WDFY1: variants seen among roughly 807,000 people sequenced by gnomAD.
WDFY1 encodes the protein WD repeat and FYVE domain containing 1, also known as WD repeat and FYVE domain-containing protein 1.
In WDFY1, 32 loss-of-function variants were observed where a neutral mutation model predicts 56.4. The ratio of observed to expected loss-of-function variants is 0.57; its 90% confidence interval spans 0.43 to 0.76. The LOEUF is 0.76. Among genes scored for constraint, WDFY1 ranks in the 30% least tolerant of loss-of-function variants. The pLI, the probability that WDFY1 is intolerant of heterozygous loss-of-function variation, is 0.00. For missense variants in WDFY1, 480 were observed against 545.7 expected, an observed-to-expected ratio of 0.88 and a Z score of 1.20; for synonymous variants, 192 against 197.3, an observed-to-expected ratio of 0.97 and a Z score of 0.23.
At chr2:223,943,018 T>C (rs1487197183) in intron 1 of WDFY1, among the ~76,000 whole-genome samples, 1 of 150,616 alleles carries the variant, frequency 6.6e-6, no homozygotes, top group Non-Finnish European at 1.5e-5. Flanking sequence ...CTGTCTCTAC[T>C]AAAAATAGAA....
intron 1 of WDFY1, among the ~76,000 whole-genome samples, chr2:223,932,215 T>C (rs925313862): frequency 7.0e-6 from 1 of 142,760 alleles, no homozygotes; most frequent in African/African-American, 2.6e-5. Context: ...CTCCACCTCC[T>C]GGGTTCACGC....
intron 8 of WDFY1, among the ~76,000 whole-genome samples, chr2:223,891,970 T>TTA (rs199942629): frequency 1.0e-3 from 153 of 151,556 alleles, no homozygotes; most frequent in East Asian, 5.6e-3. Flanking sequence ...ATCCTATAAT[T>TTA]TATATATATA....
intron 1 of WDFY1, among the ~76,000 whole-genome samples, chr2:223,940,201 C>A (rs1689276823): frequency 2.0e-5 from 3 of 152,164 alleles, no homozygotes; most frequent in Non-Finnish European, 4.4e-5. Context: ...TGCCTGTAAT[C>A]CCAGCTACTC....
intron 8 of WDFY1, among the ~76,000 whole-genome samples, chr2:223,886,857 C>T (rs939868362): frequency 6.6e-6 from 1 of 151,650 alleles, no homozygotes; most frequent in Non-Finnish European, 1.5e-5. Context: ...ACGATGGGTG[C>T]CCCTAGTTCT....
At chr2:223,931,704 T>G (rs1208658105) in intron 1 of WDFY1, among the ~76,000 whole-genome samples, 1 of 150,528 alleles carries the variant, frequency 6.6e-6, no homozygotes, top group Non-Finnish European at 1.5e-5. Flanking sequence ...TTTTTTTTTT[T>G]GAGACAGAGT....
intron 9 of WDFY1, among the ~76,000 whole-genome samples, chr2:223,882,792 C>A (rs1336875107): frequency 6.6e-6 from 1 of 151,898 alleles, no homozygotes. Flanking sequence ...GGTGCAATGG[C>A]ATACAGCTCA....
intron 8 of WDFY1, among the ~76,000 whole-genome samples, chr2:223,888,160 C>A (rs143127686): frequency 3.2e-4 from 48 of 152,248 alleles, no homozygotes; most frequent in African/African-American, 1.1e-3. Context: ...TGGCTCACTG[C>A]AGCCTCAACC....
intron 1 of WDFY1, among the ~76,000 whole-genome samples, chr2:223,929,047 C>T (rs914607289): frequency 6.6e-6 from 1 of 152,188 alleles, no homozygotes; most frequent in Non-Finnish European, 1.5e-5. Context: ...GCCAAGACAT[C>T]AGATGCAGAA....
At chr2:223,903,634 C>CAT (rs1420784012) in intron 4 of WDFY1, among the ~76,000 whole-genome samples, 85 of 124,032 alleles carry the variant, frequency 6.9e-4, no homozygotes, top group African/African-American at 2.5e-3. Flanking sequence ...AATACACACA[C>CAT]ACACACGTTT....
intron 8 of WDFY1, among the ~76,000 whole-genome samples, chr2:223,892,589 T>C (rs544806040): frequency 6.6e-5 from 10 of 151,650 alleles, no homozygotes; most frequent in Non-Finnish European, 1.2e-4. Context: ...AAAAAAAAAA[T>C]AGATGAAAGC....
intron 4 of WDFY1, among the ~76,000 whole-genome samples, chr2:223,904,845 C>A (rs550566698): frequency 6.6e-6 from 1 of 152,238 alleles, no homozygotes; most frequent in East Asian, 1.9e-4. Context: ...TTTAGTTTTG[C>A]AACTTCAATC....
chr2:223,885,434 T>C (rs1376597648), intron 8 of WDFY1, among the ~76,000 whole-genome samples: 1 of 152,122 alleles, frequency 6.6e-6, no homozygotes, highest in Non-Finnish European at 1.5e-5. Context: ...TGGCTTCAAA[T>C]AATCCTTCTG....
chr2:223,932,927 C>T (rs1236602545), intron 1 of WDFY1, among the ~76,000 whole-genome samples: 2 of 150,860 alleles, frequency 1.3e-5, no homozygotes, highest in Non-Finnish European at 2.9e-5. Flanking sequence ...AAGACGTTTG[C>T]CTGAAAGGGG....
At chr2:223,942,376 C>T (rs1267548161) in intron 1 of WDFY1, among the ~76,000 whole-genome samples, 1 of 151,598 alleles carries the variant, frequency 6.6e-6, no homozygotes, top group Non-Finnish European at 1.5e-5. Flanking sequence ...CCTGCCACCA[C>T]ACCTGGCTAA....
In WDFY1 at chr2:223,876,984, C is replaced by T. The variant is rs1692983057; in HGVS notation, c.*1687G>A. On this transcript the variant is annotated 3_prime_UTR_variant, in exon 12 of 12. Transcript: ENST00000233055. ...AACTATGTTAGTAATATACATTTTG[C>T]AAAGAGTCTAGAAAGTTTTTAAAAG... The T allele has an allele frequency of 6.6e-6, 1 of 152,148 alleles. No individual in the cohort carries two copies. Among genetic ancestry groups the T allele is most frequent in the African/African-American group, 2.4e-5 (1 of 41,442 alleles). 9.4% of individuals were successfully genotyped at this position (152,148 alleles called of 1,614,324 possible).
chr2:223,916,995 G>A (rs1253844547), intron 2 of WDFY1, among the ~76,000 whole-genome samples: 1 of 151,964 alleles, frequency 6.6e-6, no homozygotes, highest in African/African-American at 2.4e-5. Flanking sequence ...TGTATTTTTA[G>A]TAGAGATGGG....
At position 223,945,146 on chromosome 2, in the gene WDFY1, A is replaced by G. The variant is rs919469932; in HGVS notation, c.137+2T>C. The G allele has an allele frequency of 6.3e-7, 1 of 1,589,906 alleles. No homozygotes were observed. Among genetic ancestry groups the G allele is most frequent in the African/African-American group, 1.4e-5 (1 of 72,460 alleles). Reference sequence around the variant, plus strand: ...GCCGCCCCGGCTGCGCCCGGGCCCTACCTGTCCTCGCTGGCCGTGATCACG... The same window carrying G: ...GCCGCCCCGGCTGCGCCCGGGCCCTGCCTGTCCTCGCTGGCCGTGATCACG... On this transcript the variant is annotated splice_donor_variant, in intron 1 of 11. Coordinates refer to ENST00000233055, the MANE Select transcript of WDFY1 (RefSeq NM_020830.5). LOFTEE classifies it high-confidence loss of function.
chr2:223,914,248 C>T (rs912852482), intron 2 of WDFY1, among the ~76,000 whole-genome samples: 5 of 151,972 alleles, frequency 3.3e-5, no homozygotes, highest in Non-Finnish European at 5.9e-5. Flanking sequence ...CAGCCTGCCT[C>T]GGCTTCCCAA....
chr2:223,891,288 T>C (rs1334470087), intron 8 of WDFY1, among the ~76,000 whole-genome samples: 1 of 140,802 alleles, frequency 7.1e-6, no homozygotes, highest in Non-Finnish European at 1.5e-5. Context: ...GAGGCTGAGG[T>C]GGGAGAATCA....
Sources: allele counts gnomAD v4.1 joint callset (sites outside exome capture counted in the v4.1 genomes callset), GRCh38; gene constraint gnomAD v4.1.1; transcripts MANE v1.5; gene names NCBI Gene and HGNC (gene_info 2026-07-23, HGNC 2026-07-21).